Variants in KIAA1671 observed in about 807,000 individuals in gnomAD.
KIAA1671 encodes KIAA1671, also known as uncharacterized protein KIAA1671.
Under a neutral mutation model 131.2 loss-of-function variants are expected in KIAA1671, and 52 were observed. The ratio of observed to expected loss-of-function variants is 0.40; its 90% CI spans 0.32 to 0.50. The LOEUF is 0.50. Ranked by LOEUF, KIAA1671 falls within the 20% of genes least tolerant of loss-of-function variation. KIAA1671 has a pLI of 0.73. For missense variants in KIAA1671, 2,360 were observed against 2,364.2 expected (o/e 1.00, Z 0.04); for synonymous variants, 1,003 against 961.6 (o/e 1.04, Z -0.80).
At chr22:25,173,649 C>T (rs891389853) in intron 7 of KIAA1671, among the ~76,000 whole-genome samples, 6 of 152,086 alleles carry the variant, frequency 3.9e-5, no homozygotes, top group African/African-American at 1.4e-4. Flanking sequence ...ATGTAAGCTG[C>T]AAATGCAAGA....
chr22:24,956,452 G>C (rs966992880), intron 1 of KIAA1671, among the ~76,000 whole-genome samples: 15 of 152,176 alleles, frequency 9.9e-5, no homozygotes, highest in African/African-American at 3.4e-4. Flanking sequence ...CTTCCAACTT[G>C]CAACTAGTGA....
chr22:25,129,236 G>A (rs1932321931), intron 6 of KIAA1671, among the ~76,000 whole-genome samples: 1 of 152,174 alleles, frequency 6.6e-6, no homozygotes, highest in Non-Finnish European at 1.5e-5. Flanking sequence ...CACAGATTCT[G>A]GGCTGGGTAT....
chr22:25,041,391 G>A lies in KIAA1671; in HGVS notation c.4261G>A (p.Gly1421Ser). ...GGGGCCCCCTGCCAACATCCGAGAG[G>A]GCCTGTCCATCATGCATGAAGCCAG... ...EKGPPANIRE[G>S]LSIMHEARER... Residue 1421 changes from glycine to serine, a missense_variant, in exon 5 of 13, where the codon GGC becomes AGC. Physicochemically the swap from Gly to Ser is moderately conservative, Grantham distance 56. This residue lies in a region of KIAA1671 where 1,161 missense variants were observed against 1,204.7 expected (regional missense o/e 0.96). Coordinates refer to ENST00000358431, the MANE Select transcript of KIAA1671 (RefSeq NM_001145206.2). 1.3e-6 allele frequency: 2 copies of A among 1,551,776 alleles called. No individual in the cohort carries two copies. The highest frequency in any genetic ancestry group is 4.9e-5 in the East Asian group (2 of 40,918).
At chr22:25,125,216 C>A (rs9612869) in intron 6 of KIAA1671, among the ~76,000 whole-genome samples, 21,927 of 152,202 alleles carry the variant, frequency 0.14, 1,597 homozygotes, top group South Asian at 0.22. Context: ...ACATTCAAGG[C>A]AGAGGCTATT....
chr22:25,190,564 G>A (rs1934638749), intron 11 of KIAA1671, 138 bp from the exon 12 acceptor site: 1 of 639,504 alleles, frequency 1.6e-6, no homozygotes, highest in African/African-American at 1.8e-5. Context: ...CCGTTAATAT[G>A]GGCATCTTTA....
intron 6 of KIAA1671, among the ~76,000 whole-genome samples, chr22:25,095,967 C>T (rs1433951272): frequency 6.6e-6 from 1 of 152,226 alleles, no homozygotes. Flanking sequence ...AGCAATAGCA[C>T]TGTCCCTGGG....
chr22:25,040,852 G>T lies in KIAA1671; in HGVS notation c.3722G>T (p.Gly1241Val). The change falls in exon 5 of 13, where the codon GGC becomes GTC. Residue 1241 changes from glycine (G) to valine (V), a missense_variant. Physicochemically the swap from Gly to Val is moderately radical, Grantham distance 109. Transcript: ENST00000358431. ...TLPRERPVQL[G>V]GVEQRRRSLK... ...CCTCGGGAGAGGCCTGTTCAGCTGG[G>T]CGGGGTGGAGCAGAGAAGGAGGAGC... The T allele has an allele frequency of 6.5e-7, 1 of 1,548,148 alleles. No individual in the cohort carries two copies. Among genetic ancestry groups the T allele is most frequent in the Non-Finnish European group, 8.7e-7 (1 of 1,144,828 alleles).
At chr22:25,147,309 C>T (rs1932900212) in intron 6 of KIAA1671, among the ~76,000 whole-genome samples, 1 of 152,048 alleles carries the variant, frequency 6.6e-6, no homozygotes. Flanking sequence ...TCTCCTGCCT[C>T]AGCCTCCTGA....
At chr22:25,184,313 C>G (rs1438068349) in intron 10 of KIAA1671, among the ~76,000 whole-genome samples, 6 of 152,182 alleles carry the variant, frequency 3.9e-5, no homozygotes, top group African/African-American at 1.4e-4. Flanking sequence ...ACACATGGAA[C>G]GAACTCACAT....
intron 1 of KIAA1671, among the ~76,000 whole-genome samples, chr22:25,005,403 G>T (rs928898035): frequency 1.3e-5 from 2 of 151,776 alleles, no homozygotes; most frequent in Non-Finnish European, 2.9e-5. Context: ...AGGTGTTTTG[G>T]TATCATTCCG....
At chr22:24,957,671 C>CCTTT (rs1921782698) in intron 1 of KIAA1671, among the ~76,000 whole-genome samples, 1 of 100,322 alleles carries the variant, frequency 1.0e-5, no homozygotes, top group African/African-American at 4.3e-5. Flanking sequence ...TCTTTTGTTC[C>CCTTT]TTTTTTTTTT....
intron 6 of KIAA1671, among the ~76,000 whole-genome samples, chr22:25,120,234 C>G (rs1053402659): frequency 2.0e-5 from 3 of 152,234 alleles, no homozygotes. Flanking sequence ...TCGGGCTGCA[C>G]CTTGGGGTTT....
Position 25,185,475 on chromosome 22 carries a change from G to C in KIAA1671, c.5342+356G>C, listed in dbSNP as rs187234686. 3 of 224,970 alleles carry C rather than the reference G, an allele frequency of 1.3e-5. No homozygotes were observed. The Middle Eastern group carries it at 4.7e-3, about 353-fold the overall frequency. The allele number at this position is 224,970 out of a possible 1,614,324, so 13.9% of individuals were successfully genotyped here. A position where few individuals can be genotyped will look rare whatever the true frequency, so the allele number is the denominator to read the frequency against. On this transcript the variant is annotated intron_variant, in intron 11 of 12. Transcript: ENST00000358431. ...CTCCCTCCTCTTCCCCTTTGGGGAA[G>C]TATCTTTATTATCAGAGATCTGGAG...
chr22:24,987,393 G>C (rs919709466), intron 1 of KIAA1671, among the ~76,000 whole-genome samples: 3 of 151,976 alleles, frequency 2.0e-5, no homozygotes, highest in East Asian at 1.9e-4. Context: ...GGATGTTCTC[G>C]ATCTCCTGAC....
intron 1 of KIAA1671, among the ~76,000 whole-genome samples, chr22:24,969,529 G>A (rs1262199247): frequency 6.6e-6 from 1 of 152,162 alleles, no homozygotes; most frequent in African/African-American, 2.4e-5. Flanking sequence ...TCCGAGCTTG[G>A]TTGAATCCTT....
At chr22:25,068,296 C>T (rs1602113432) in intron 6 of KIAA1671, among the ~76,000 whole-genome samples, 1 of 152,270 alleles carries the variant, frequency 6.6e-6, no homozygotes, top group Non-Finnish European at 1.5e-5. Flanking sequence ...TGTCAGGCAG[C>T]GAGCAGCTGA....
rs546987757 is a variant in KIAA1671 at position 25,097,308 on chromosome 22, G to GA, written c.4530+47945dup. Among the ~76,000 whole-genome samples the GA allele has an allele frequency of 1.3e-3, 196 of 152,290 alleles. 2 individuals are homozygous for GA. Among genetic ancestry groups the GA allele is most frequent in the Middle Eastern group, 6.8e-3 (2 of 294 alleles). ...ACAATGGTGTTGTTTCATCAGTAGA[G>GA]ATGCTGAAAGTAACAAAGACCCCCA... On this transcript the variant is annotated intron_variant, in intron 6 of 12. Coordinates refer to ENST00000358431, the MANE Select transcript of KIAA1671 (RefSeq NM_001145206.2).
chr22:25,048,227 T>C (rs2145818512), intron 5 of KIAA1671, among the ~76,000 whole-genome samples: 1 of 152,210 alleles, frequency 6.6e-6, no homozygotes, highest in East Asian at 1.9e-4. Flanking sequence ...CAAGAGATGT[T>C]GAGTGAGCAG....
intron 6 of KIAA1671, among the ~76,000 whole-genome samples, chr22:25,134,411 C>G (rs1195586220): frequency 6.6e-6 from 1 of 152,072 alleles, no homozygotes; most frequent in Non-Finnish European, 1.5e-5. Flanking sequence ...ATCTGATTCT[C>G]CCAACACTTT....
Sources: allele counts gnomAD v4.1 joint callset (sites outside exome capture counted in the v4.1 genomes callset), GRCh38; gene constraint gnomAD v4.1.1; regional missense constraint gnomAD v4.1.1; transcripts MANE v1.5; gene names NCBI Gene and HGNC (gene_info 2026-07-23, HGNC 2026-07-21).